PCDH15: variants seen among roughly 807,000 people sequenced by gnomAD.
PCDH15 encodes the protein protocadherin-15.
In PCDH15, 129 loss-of-function variants were observed where a neutral mutation model predicts 178.5. The observed-to-expected ratio is 0.72, with a 90% CI of 0.63 to 0.84. The LOEUF is 0.84. PCDH15 is among the 40% of genes least tolerant of loss of function. PCDH15 has a pLI of 0.00. For missense variants in PCDH15, 2,230 were observed against 2,099.9 expected (o/e 1.06, Z -1.21); for synonymous variants, 800 against 732.0 (o/e 1.09, Z -1.50).
intron 2 of PCDH15, among the ~76,000 whole-genome samples, chr10:54,533,013 C>T (rs1242242614): frequency 6.6e-6 from 1 of 152,146 alleles, no homozygotes; most frequent in Admixed American, 6.5e-5. Context: ...AGGTACTGGG[C>T]TAGCAGGCTC....
intron 20 of PCDH15, among the ~76,000 whole-genome samples, chr10:54,017,455 C>G (rs1370557259): frequency 1.3e-5 from 2 of 152,068 alleles, no homozygotes; most frequent in African/African-American, 4.8e-5. Flanking sequence ...CACTATGCAG[C>G]CATAAAAAAG....
chr10:55,350,268 T>TATATATATATATATATATATAC (rs1327352441), intron 2 of PCDH15, among the ~76,000 whole-genome samples: 1 of 56,768 alleles, frequency 1.8e-5, no homozygotes, highest in Non-Finnish European at 3.2e-5. Flanking sequence ...TATATATATA[T>TATATATATATATATATATATAC]ACACACACAC....
intron 15 of PCDH15, among the ~76,000 whole-genome samples, chr10:54,112,788 T>G (rs1292775139): frequency 6.6e-6 from 1 of 152,166 alleles, no homozygotes; most frequent in Non-Finnish European, 1.5e-5. Flanking sequence ...TAATAATATA[T>G]TTAAAGCTAA....
At chr10:54,466,043 T>C (rs1472140686) in intron 3 of PCDH15, among the ~76,000 whole-genome samples, 1 of 151,984 alleles carries the variant, frequency 6.6e-6, no homozygotes, top group Non-Finnish European at 1.5e-5. Context: ...TATGTCTTAT[T>C]TTGAGAATGT....
chr10:55,394,448 A>G (rs1298418619), intron 2 of PCDH15, among the ~76,000 whole-genome samples: 2 of 152,062 alleles, frequency 1.3e-5, no homozygotes, highest in Non-Finnish European at 2.9e-5. Context: ...AGAACAAAAC[A>G]AAAGCAAAAA....
chr10:55,494,856 T>A (rs992455617), intron 2 of PCDH15, among the ~76,000 whole-genome samples: 4 of 151,872 alleles, frequency 2.6e-5, no homozygotes, highest in African/African-American at 9.7e-5. Flanking sequence ...GAACTCATAC[T>A]TCCTAACTGT....
intron 2 of PCDH15, among the ~76,000 whole-genome samples, chr10:54,570,097 T>C (rs188311061): frequency 2.6e-4 from 39 of 152,088 alleles, no homozygotes; most frequent in African/African-American, 9.4e-4. Context: ...TTTATCTCAC[T>C]GTCTCGGGAG....
At chr10:54,735,136 A>G (rs983015110) in intron 1 of PCDH15, among the ~76,000 whole-genome samples, 17 of 152,068 alleles carry the variant, frequency 1.1e-4, no homozygotes, top group African/African-American at 4.1e-4. Flanking sequence ...CTTTATAGAA[A>G]TTCTCATGTT....
chr10:54,754,607 A>AAAT (rs1365417152), intron 1 of PCDH15, among the ~76,000 whole-genome samples: 4 of 152,180 alleles, frequency 2.6e-5, no homozygotes, highest in African/African-American at 9.7e-5. Flanking sequence ...ACACTGATAT[A>AAAT]AAGTACATCA....
chr10:54,523,250 T>C (rs2083058842), intron 3 of PCDH15, among the ~76,000 whole-genome samples: 1 of 152,282 alleles, frequency 6.6e-6, no homozygotes, highest in East Asian at 1.9e-4. Context: ...GGTGGATTTT[T>C]TAAAAAAGCA....
At chr10:54,368,525 A>G (rs771360452) in intron 5 of PCDH15, among the ~76,000 whole-genome samples, 2 of 152,076 alleles carry the variant, frequency 1.3e-5, no homozygotes, top group Admixed American at 6.6e-5. Flanking sequence ...TCACTTATGC[A>G]CTTTAGCCAA....
intron 2 of PCDH15, among the ~76,000 whole-genome samples, chr10:55,587,533 A>G (rs2132127445): frequency 1.3e-5 from 2 of 152,238 alleles, no homozygotes; most frequent in African/African-American, 4.8e-5. Context: ...TGCCTATAAT[A>G]TTTTATTAGT....
intron 2 of PCDH15, among the ~76,000 whole-genome samples, chr10:54,944,283 T>A (rs1838135582): frequency 6.6e-6 from 1 of 151,984 alleles, no homozygotes; most frequent in African/African-American, 2.4e-5. Context: ...CATCTGACAT[T>A]GACAAAAATG....
At chr10:54,977,493 T>C (rs1436949125) in intron 2 of PCDH15, among the ~76,000 whole-genome samples, 1 of 152,100 alleles carries the variant, frequency 6.6e-6, no homozygotes, top group African/African-American at 2.4e-5. Flanking sequence ...TATCCAGAAG[T>C]CACACTATGG....
intron 2 of PCDH15, among the ~76,000 whole-genome samples, chr10:54,617,752 A>C (rs1411139821): frequency 1.0e-5 from 1 of 96,204 alleles, no homozygotes; most frequent in Admixed American, 1.1e-4. Flanking sequence ...AACTCTAAAA[A>C]TACAAAAAAA....
At chr10:54,962,146 C>T (rs1040031326) in intron 2 of PCDH15, among the ~76,000 whole-genome samples, 1 of 152,348 alleles carries the variant, frequency 6.6e-6, no homozygotes, top group East Asian at 1.9e-4. Context: ...TAACACTTGC[C>T]TGGGCAGCTC....
intron 2 of PCDH15, among the ~76,000 whole-genome samples, chr10:55,529,471 C>G (rs1334531795): frequency 6.6e-6 from 1 of 151,770 alleles, no homozygotes; most frequent in Non-Finnish European, 1.5e-5. Flanking sequence ...CTGCCTTGGC[C>G]TCCCAAAGTG....
At chr10:55,266,324 C>T (rs900276606) in intron 1 of PCDH15, among the ~76,000 whole-genome samples, 4 of 152,214 alleles carry the variant, frequency 2.6e-5, no homozygotes, top group Non-Finnish European at 5.9e-5. Flanking sequence ...AATCTCACTG[C>T]TGTTCTCCCC....
intron 1 of PCDH15, among the ~76,000 whole-genome samples, chr10:55,291,347 A>G (rs985983188): frequency 2.6e-5 from 4 of 152,200 alleles, no homozygotes; most frequent in African/African-American, 9.6e-5. Flanking sequence ...GATTGAAGCA[A>G]AGGACAAGTC....
Sources: allele counts gnomAD v4.1 joint callset (sites outside exome capture counted in the v4.1 genomes callset), GRCh38; gene constraint gnomAD v4.1.1; transcripts MANE v1.5; gene names NCBI Gene and HGNC (gene_info 2026-07-23, HGNC 2026-07-21).